Variants in CSGALNACT1 observed in about 807,000 individuals in gnomAD.
The protein encoded by CSGALNACT1 is beta4GalNAcT-1.
A neutral mutation model predicts 51.0 loss-of-function variants in CSGALNACT1; 52 were observed. That is an observed-to-expected ratio of 1.02 (90% CI 0.82 to 1.29). The LOEUF (loss-of-function observed/expected upper bound fraction) is 1.29, where lower values mean the gene tolerates loss of function less well. Among genes scored for constraint, CSGALNACT1 ranks in the 50% most tolerant of loss-of-function variants. CSGALNACT1 has a pLI of 0.00. For missense variants in CSGALNACT1, 935 were observed against 679.2 expected, an observed-to-expected ratio of 1.38 and a Z score of -4.19; for synonymous variants, 341 against 254.4, an observed-to-expected ratio of 1.34 and a Z score of -3.24.
At chr8:19,588,904 G>A (rs929612733) in intron 3 of CSGALNACT1, among the ~76,000 whole-genome samples, 4 of 152,144 alleles carry the variant, frequency 2.6e-5, no homozygotes, top group African/African-American at 9.7e-5. Flanking sequence ...ATTGGAGCCT[G>A]ACACATTACT....
intron 4 of CSGALNACT1, among the ~76,000 whole-genome samples, chr8:19,500,732 C>T (rs1194298961): frequency 1.3e-5 from 2 of 152,208 alleles, no homozygotes; most frequent in Non-Finnish European, 2.9e-5. Context: ...TTATAGCTAT[C>T]TCCCTGTGTC....
chr8:19,729,869 T>A (rs2063596177), intron 1 of CSGALNACT1, among the ~76,000 whole-genome samples: 2 of 152,054 alleles, frequency 1.3e-5, no homozygotes, highest in South Asian at 4.2e-4. Context: ...GAAGTTCCCA[T>A]CCTCCTTTAC....
chr8:19,451,236 C>A (rs1295644173), intron 5 of CSGALNACT1, among the ~76,000 whole-genome samples: 2 of 152,084 alleles, frequency 1.3e-5, no homozygotes, highest in Non-Finnish European at 2.9e-5. Context: ...AGGACTCTGG[C>A]CTTTGTTTTA....
chr8:19,657,615 C>A (rs947974546), intron 1 of CSGALNACT1, among the ~76,000 whole-genome samples: 12 of 152,108 alleles, frequency 7.9e-5, no homozygotes, highest in African/African-American at 2.9e-4. Context: ...AAAATACCTT[C>A]CATGTGAAGA....
At chr8:19,431,524 T>C (rs541336949) in intron 6 of CSGALNACT1, among the ~76,000 whole-genome samples, 9 of 152,230 alleles carry the variant, frequency 5.9e-5, no homozygotes, top group South Asian at 2.1e-4. Flanking sequence ...CACTTGGTAA[T>C]TGCATATAAT....
chr8:19,626,032 T>A (rs946081479), intron 1 of CSGALNACT1, among the ~76,000 whole-genome samples: 6 of 152,216 alleles, frequency 3.9e-5, no homozygotes, highest in Non-Finnish European at 8.8e-5. Flanking sequence ...AATTAACAGA[T>A]AATCCTAGCA....
chr8:19,451,085 A>T (rs2063110313), intron 5 of CSGALNACT1, among the ~76,000 whole-genome samples: 1 of 152,098 alleles, frequency 6.6e-6, no homozygotes, highest in South Asian at 2.1e-4. Flanking sequence ...TAGCATCATG[A>T]TTTCTTGTAA....
chr8:19,458,403 T>C lies in CSGALNACT1; in HGVS notation c.851+23A>G, dbSNP rs373218235. 3.3e-5 allele frequency: 53 copies of C among 1,584,830 alleles called. No homozygotes were observed. In the Middle Eastern group the frequency reaches 1.2e-3, roughly 35 times the overall value. ...CTAACACACATCATGCGGAGGAAGATAAACACGTGCGAACAAACCAACCTG... is the reference window on the plus strand; with the variant it reads ...CTAACACACATCATGCGGAGGAAGACAAACACGTGCGAACAAACCAACCTG... On this transcript the variant is annotated intron_variant, in intron 5 of 9. Coordinates refer to ENST00000454498, the Ensembl canonical transcript of CSGALNACT1.
At chr8:19,436,303 G>A (rs556627090) in intron 6 of CSGALNACT1, among the ~76,000 whole-genome samples, 9 of 152,192 alleles carry the variant, frequency 5.9e-5, no homozygotes, top group South Asian at 2.1e-4. Flanking sequence ...TTTTAGGAGC[G>A]AGCATATTAG....
Position 19,712,010 on chromosome 8 carries a change from G to T in CSGALNACT1, c.-297+45840C>A, listed in dbSNP as rs567975359. Among the ~76,000 whole-genome samples the T allele has an allele frequency of 9.5e-4, 144 of 152,250 alleles. 1 individual carries two copies. Among genetic ancestry groups the T allele is most frequent in the Admixed American group, 3.8e-3 (58 of 15,290 alleles). On this transcript the variant is annotated intron_variant, in intron 1 of 1. Coordinates refer to the CSGALNACT1 transcript ENST00000517494. ...AGAAATAATAAGTGGTGAAGCCGGG[G>T]TTAGAACTCAGAGCTCTTTTATTTT...
At chr8:19,617,253 G>A (rs909028296) in intron 1 of CSGALNACT1, among the ~76,000 whole-genome samples, 8 of 152,134 alleles carry the variant, frequency 5.3e-5, no homozygotes, top group African/African-American at 7.2e-5. Flanking sequence ...GATGGGGAGC[G>A]GCTGTAAATA....
chr8:19,466,273 CTTTCT>C (rs1362516619), intron 4 of CSGALNACT1, among the ~76,000 whole-genome samples: 1 of 152,188 alleles, frequency 6.6e-6, no homozygotes, highest in African/African-American at 2.4e-5. Context: ...CAAAACACTA[CTTTCT>C]TTTAATTATC....
chr8:19,514,178 G>T (rs1419523856), intron 3 of CSGALNACT1, among the ~76,000 whole-genome samples: 1 of 151,982 alleles, frequency 6.6e-6, no homozygotes, highest in African/African-American at 2.4e-5. Flanking sequence ...AAATCCCAGC[G>T]AGAGGACAGG....
intron 3 of CSGALNACT1, among the ~76,000 whole-genome samples, chr8:19,587,198 G>C (rs2046846149): frequency 1.3e-5 from 2 of 152,150 alleles, no homozygotes; most frequent in African/African-American, 4.8e-5. Context: ...AAAATTGCAG[G>C]TAACTGGCAC....
intron 3 of CSGALNACT1, among the ~76,000 whole-genome samples, chr8:19,582,090 C>G (rs866115146): frequency 6.6e-6 from 1 of 152,156 alleles, no homozygotes; most frequent in Middle Eastern, 3.2e-3. Flanking sequence ...TATAGATAGA[C>G]AGATTATATG....
intron 1 of CSGALNACT1, among the ~76,000 whole-genome samples, chr8:19,701,734 T>C (rs2061891026): frequency 6.6e-6 from 1 of 152,220 alleles, no homozygotes; most frequent in Non-Finnish European, 1.5e-5. Context: ...ACATGTCACG[T>C]ACTGAAGCCC....
intron 1 of CSGALNACT1, among the ~76,000 whole-genome samples, chr8:19,614,260 C>T (rs1471704340): frequency 1.3e-5 from 2 of 152,126 alleles, no homozygotes; most frequent in East Asian, 1.9e-4. Context: ...ACTAAAAAAT[C>T]AAAAACTGAG....
At chr8:19,533,230 C>T (rs2083125655) in intron 3 of CSGALNACT1, among the ~76,000 whole-genome samples, 1 of 152,266 alleles carries the variant, frequency 6.6e-6, no homozygotes, top group African/African-American at 2.4e-5. Context: ...GATCCTCTCA[C>T]TTCAGCCTCT....
At chr8:19,620,314 CAAAAAAAAA>C (rs35145827) in intron 1 of CSGALNACT1, among the ~76,000 whole-genome samples, 1 of 64,758 alleles carries the variant, frequency 1.5e-5, no homozygotes. Context: ...GACTCTGTCT[CAAAAAAAAA>C]AAAAAAAAAA....
Sources: gnomAD v4.1 joint callset for allele counts (sites outside exome capture counted in the v4.1 genomes callset) on GRCh38, gnomAD v4.1.1 for gene constraint, MANE v1.5 for transcripts, NCBI Gene and HGNC (gene_info 2026-07-23, HGNC 2026-07-21) for gene names.